Variants in ADAMTS14 observed in about 807,000 individuals in gnomAD.
The protein encoded by ADAMTS14 is A disintegrin and metalloproteinase with thrombospondin motifs 14.
Under a neutral mutation model 128.6 loss-of-function variants are expected in ADAMTS14, and 100 were observed. The observed-to-expected ratio is 0.78, with a 90% confidence interval of 0.66 to 0.92. The LOEUF (loss-of-function observed/expected upper bound fraction) is 0.92. Among genes scored for constraint, ADAMTS14 ranks in the 40% least tolerant of loss-of-function variants. The pLI is 0.00. For synonymous variants in ADAMTS14, 665 were observed against 653.8 expected (o/e 1.02, Z -0.26); for missense variants, 1,562 against 1,658.6 (o/e 0.94, Z 1.01).
Position 70,743,558 on chromosome 10 carries a change from GTGTGAGCTGATC to G in ADAMTS14, c.1938_1949del (p.Glu647_Cys650del), listed in dbSNP as rs750782616. ...TCCCTCTCCCTACAGACGCCCAGAA[GTGTGAGCTGATC>G]TGCCAGTCGGCGGACACGGGGGACG... is the stretch of plus-strand genomic sequence containing the variant. On this transcript the variant is annotated inframe_deletion, in exon 13 of 22. Coordinates refer to ENST00000373207, the MANE Select transcript of ADAMTS14 (RefSeq NM_080722.4). 1 of 1,612,396 alleles carries G rather than the reference GTGTGAGCTGATC, an allele frequency of 6.2e-7. No individual in the cohort carries two copies.
At chr10:70,701,624 A>T (rs1332359287) in intron 2 of ADAMTS14, among the ~76,000 whole-genome samples, 2 of 152,176 alleles carry the variant, frequency 1.3e-5, no homozygotes, top group Non-Finnish European at 2.9e-5. Context: ...GGACTTTGCC[A>T]ACATATTTTT....
intron 4 of ADAMTS14, among the ~76,000 whole-genome samples, chr10:70,727,181 C>T (rs1841462838): frequency 6.6e-6 from 1 of 152,212 alleles, no homozygotes; most frequent in South Asian, 2.1e-4. Context: ...GCTTCTGCTG[C>T]CCACAGTTTC....
chr10:70,696,738 A>G (rs1297486832), intron 2 of ADAMTS14, among the ~76,000 whole-genome samples: 2 of 152,142 alleles, frequency 1.3e-5, no homozygotes, highest in Non-Finnish European at 2.9e-5. Flanking sequence ...GGGTTAGGTG[A>G]GCAGGGCAGT....
chr10:70,687,975 C>T (rs1475848169), intron 2 of ADAMTS14, among the ~76,000 whole-genome samples: 1 of 48,428 alleles, frequency 2.1e-5, no homozygotes, highest in Non-Finnish European at 4.0e-5. Context: ...ACCCCCCCCC[C>T]GACCTCCCTC....
chr10:70,708,826 G>GGGGGGC, intron 4 of ADAMTS14, 48 bp downstream of exon 4: 3 of 396,628 alleles, frequency 7.6e-6, no homozygotes, highest in East Asian at 7.1e-5. Flanking sequence ...GGTGGGGTGG[G>GGGGGGC]CCCCACCCCA....
chr10:70,744,474 C>T (rs1441651243), intron 14 of ADAMTS14, among the ~76,000 whole-genome samples: 4 of 152,182 alleles, frequency 2.6e-5, no homozygotes, highest in African/African-American at 9.7e-5. Flanking sequence ...ATCCCTTGGA[C>T]CTTGGGACTA....
At chr10:70,717,942 GC>G (rs1841109846) in intron 4 of ADAMTS14, among the ~76,000 whole-genome samples, 1 of 152,186 alleles carries the variant, frequency 6.6e-6, no homozygotes, top group African/African-American at 2.4e-5. Context: ...CTGCCTCAGA[GC>G]CCCTTTCTGA....
Position 70,741,113 on chromosome 10 carries a change from T to C in ADAMTS14, c.1875T>C (p.Tyr625=), listed in dbSNP as rs776018420. The C allele has an allele frequency of 4.3e-6, 7 of 1,613,784 alleles. No homozygotes were observed. In the Admixed American group the frequency reaches 1.2e-4, roughly 27 times the overall value. ...AQQCAKRNSY[Y]VHQNAKHSWV... ...AGTGTGCCAAGCGCAACTCCTACTATGTGCACCAGAATGCCAAGCACAGCT... is the reference window on the plus strand; with the variant it reads ...AGTGTGCCAAGCGCAACTCCTACTACGTGCACCAGAATGCCAAGCACAGCT... The change falls in exon 12 of 22, where the codon TAT becomes TAC. Residue 625 remains tyrosine (Y), a synonymous_variant. Transcript: ENST00000373207.
intron 8 of ADAMTS14, among the ~76,000 whole-genome samples, chr10:70,734,861 C>G (rs1006583139): frequency 2.0e-5 from 3 of 152,216 alleles, no homozygotes; most frequent in African/African-American, 7.2e-5. Flanking sequence ...TTGGCCATAT[C>G]GTGTCCCTCT....
At chr10:70,756,649 A>C (rs1263150284) in intron 19 of ADAMTS14, among the ~76,000 whole-genome samples, 2 of 152,236 alleles carry the variant, frequency 1.3e-5, no homozygotes, top group African/African-American at 4.8e-5. Flanking sequence ...GCACTAGACA[A>C]GCTTTTGGGA....
At position 70,751,507 on chromosome 10, in the gene ADAMTS14, C is replaced by T. The variant is rs1319728786; in HGVS notation, c.2457C>T (p.Arg819=). ...LALPPTEGGP[R]SSLAYKYVIH... ...TCCCCCCAACTGAGGGTGGCCCCCG[C>T]AGCAGCCTGGCCTACAAGTACGTCA... Residue 819 remains arginine (R), a synonymous_variant, in exon 17 of 22, where the codon CGC becomes CGT. Transcript: ENST00000373207. The T allele has an allele frequency of 9.3e-6, 15 of 1,610,550 alleles. No homozygotes were observed. Among genetic ancestry groups the T allele is most frequent in the Non-Finnish European group, 1.3e-5 (15 of 1,177,122 alleles).
chr10:70,759,494 C>T (rs1842557697), intron 21 of ADAMTS14, among the ~76,000 whole-genome samples: 1 of 152,180 alleles, frequency 6.6e-6, no homozygotes, highest in Non-Finnish European at 1.5e-5. Context: ...GAGCACTTAT[C>T]TTTGCCAGGT....
intron 12 of ADAMTS14, among the ~76,000 whole-genome samples, chr10:70,742,693 T>C (rs900000054): frequency 1.3e-5 from 2 of 152,226 alleles, no homozygotes; most frequent in African/African-American, 2.4e-5. Flanking sequence ...AGCTGGACTT[T>C]GGGTTTTTCC....
intron 21 of ADAMTS14, among the ~76,000 whole-genome samples, chr10:70,760,017 A>G (rs929292651): frequency 1.3e-5 from 2 of 152,220 alleles, no homozygotes; most frequent in African/African-American, 4.8e-5. Flanking sequence ...TTGTGAAAGC[A>G]CAGCGCTGAG....
intron 4 of ADAMTS14, among the ~76,000 whole-genome samples, chr10:70,728,060 C>T (rs189358699): frequency 2.1e-4 from 32 of 150,858 alleles, no homozygotes; most frequent in East Asian, 1.6e-3. Flanking sequence ...CGCACCACTG[C>T]GCTCCAGCCT....
In ADAMTS14 at chr10:70,735,264, G is replaced by A. The variant is rs781417210; in HGVS notation, c.1448G>A (p.Arg483His). 27 of 1,613,964 alleles carry A rather than the reference G, an allele frequency of 1.7e-5. No individual in the cohort carries two copies. In the East Asian group the frequency reaches 2.9e-4, roughly 17 times the overall value. The change falls in exon 9 of 22, where the codon CGC becomes CAC. Residue 483 changes from arginine to histidine, a missense_variant. Arg to His is a conservative substitution (Grantham distance 29). Transcript: ENST00000373207. ...GINYSMDEQC[R>H]FDFGSGYQTC... ...AACTACTCAATGGATGAGCAGTGCCGCTTTGACTTTGGCAGTGGCTACCAG... is the reference window on the plus strand; with the variant it reads ...AACTACTCAATGGATGAGCAGTGCCACTTTGACTTTGGCAGTGGCTACCAG...
At chr10:70,716,170 G>A (rs1257615471) in intron 4 of ADAMTS14, among the ~76,000 whole-genome samples, 2 of 152,214 alleles carry the variant, frequency 1.3e-5, no homozygotes, top group Non-Finnish European at 2.9e-5. Context: ...CTGCCAGAAA[G>A]TGGGTGAGGA....
intron 2 of ADAMTS14, among the ~76,000 whole-genome samples, chr10:70,697,568 C>T (rs191485191): frequency 1.4e-4 from 22 of 152,344 alleles, no homozygotes; most frequent in Admixed American, 5.2e-4. Flanking sequence ...TACACATGCA[C>T]ACATACGTAC....
rs761021660 is a variant in ADAMTS14 at position 70,729,312 on chromosome 10, G to A, written c.889G>A (p.Asp297Asn). The change falls in exon 5 of 22, where the codon GAT becomes AAT. Residue 297 changes from aspartate (D) to asparagine (N), a missense_variant. Coordinates refer to ENST00000373207, the MANE Select transcript of ADAMTS14 (RefSeq NM_080722.4). ...LMNIVDEIYHDESLGVHINIA... is the reference protein window; with the variant it reads ...LMNIVDEIYHNESLGVHINIA... ...CTTGCAGGTAGATGAGATTTACCAC[G>A]ATGAGTCCCTGGGGGTTCATATAAA... is the stretch of plus-strand genomic sequence containing the variant. 1.5e-5 allele frequency: 24 copies of A among 1,613,726 alleles called. No individual in the cohort carries two copies. Among genetic ancestry groups the A allele is most frequent in the Admixed American group, 1.0e-4 (6 of 59,988 alleles).
Sources: gnomAD v4.1 joint callset for allele counts (sites outside exome capture counted in the v4.1 genomes callset) on GRCh38, gnomAD v4.1.1 for gene constraint, MANE v1.5 for transcripts, NCBI Gene and HGNC (gene_info 2026-07-23, HGNC 2026-07-21) for gene names.